The following SNRPF variants were observed in gnomAD, a reference collection of about 807,000 sequenced individuals.
The protein encoded by SNRPF is small nuclear ribonucleoprotein F.
Under a neutral mutation model 13.4 loss-of-function variants are expected in SNRPF, and 1 was observed. The ratio of observed to expected loss-of-function variants is 0.07; its 90% CI spans 0.03 to 0.35. The LOEUF (loss-of-function observed/expected upper bound fraction) is 0.35. SNRPF is among the 10% of genes least tolerant of loss of function. The pLI is 0.99. For missense variants in SNRPF, 53 were observed against 101.0 expected, an observed-to-expected ratio of 0.52 and a Z score of 2.04; for synonymous variants, 27 against 32.1, an observed-to-expected ratio of 0.84 and a Z score of 0.54.
chr12:95,862,752 G>A (rs527267787), intron 2 of SNRPF, among the ~76,000 whole-genome samples: 68 of 151,996 alleles, frequency 4.5e-4, no homozygotes, highest in African/African-American at 1.5e-3. Flanking sequence ...CAGCAGCTAC[G>A]TGGTTTTACA....
chr12:95,865,626 T>C (rs1457702916), intron 3 of SNRPF, among the ~76,000 whole-genome samples: 1 of 152,200 alleles, frequency 6.6e-6, no homozygotes, highest in African/African-American at 2.4e-5. Context: ...TTCTAGCTCT[T>C]AGCTATAATC....
intron 1 of SNRPF, among the ~76,000 whole-genome samples, chr12:95,860,220 ATCTGCCC>A (rs2079488627): frequency 6.6e-6 from 1 of 152,226 alleles, no homozygotes; most frequent in African/African-American, 2.4e-5. Context: ...GTCAAGCGTG[ATCTGCCC>A]TCTGCTTCCT....
At chr12:95,864,091 TCAA>T in intron 2 of SNRPF, among the ~76,000 whole-genome samples, 1 of 152,350 alleles carries the variant, frequency 6.6e-6, no homozygotes, top group Non-Finnish European at 1.5e-5. Flanking sequence ...ACAAACTGTC[TCAA>T]CAACCTCGTA....
At chr12:95,861,515 A>G (rs1421217862) in intron 2 of SNRPF, 1 of 341,028 alleles carries the variant, frequency 2.9e-6, no homozygotes, top group Non-Finnish European at 5.4e-6. Context: ...TAGTAGTTAA[A>G]GTAGGAAGAG....
chr12:95,863,417 C>T lies in SNRPF; in HGVS notation c.130-1907C>T, dbSNP rs140953137. On this transcript the variant is annotated intron_variant, in intron 2 of 3. Transcript: ENST00000266735. Reference sequence around the variant, plus strand: ...CATCTCAATAATAAAAGAATTACCACTTAATATTTGTTTTAGAATTAATAT... The same window carrying T: ...CATCTCAATAATAAAAGAATTACCATTTAATATTTGTTTTAGAATTAATAT... Among the ~76,000 whole-genome samples the T allele has an allele frequency of 2.7e-3, 409 of 152,310 alleles. 1 individual carries two copies. The highest frequency in any genetic ancestry group is 9.1e-3 in the African/African-American group (378 of 41,550).
chr12:95,863,551 T>C (rs1034115982), intron 2 of SNRPF, among the ~76,000 whole-genome samples: 1 of 152,226 alleles, frequency 6.6e-6, no homozygotes, highest in African/African-American at 2.4e-5. Context: ...AGCAAATATT[T>C]ATTGAATTCC....
In SNRPF at chr12:95,861,229, A is replaced by T; in HGVS notation, c.65A>T (p.Lys22Ile). 6.2e-7 allele frequency: 1 copy of T among 1,612,676 alleles called. No individual in the cohort carries two copies. Among genetic ancestry groups the T allele is most frequent in the Non-Finnish European group, 8.5e-7 (1 of 1,179,136 alleles). ...NGLTGKPVMVKLKWGMEYKGY... is the reference protein window; with the variant it reads ...NGLTGKPVMVILKWGMEYKGY... ...CTAACAGGAAAGCCAGTGATGGTGA[A>T]ACTTAAGTGGGGAATGGAGTACAAG... Residue 22 changes from lysine (K) to isoleucine (I), a missense_variant, in exon 2 of 4, where the codon AAA (lysine) becomes ATA (isoleucine). Coordinates refer to ENST00000266735, the MANE Select transcript of SNRPF (RefSeq NM_003095.5).
intron 2 of SNRPF, among the ~76,000 whole-genome samples, chr12:95,864,102 G>A (rs899046166): frequency 2.1e-4 from 32 of 152,208 alleles, no homozygotes; most frequent in Admixed American, 3.9e-4. Context: ...CAACAACCTC[G>A]TATATTTCAG....
intron 2 of SNRPF, chr12:95,861,740 G>A (rs2079497390): frequency 1.9e-5 from 2 of 104,910 alleles, no homozygotes; most frequent in Admixed American, 1.8e-4. Context: ...CTGACTGTAT[G>A]TCTGTCAAAC....
At chr12:95,860,643 G>A (rs906244344) in intron 1 of SNRPF, among the ~76,000 whole-genome samples, 1 of 151,910 alleles carries the variant, frequency 6.6e-6, no homozygotes, top group Non-Finnish European at 1.5e-5. Context: ...CTGCAGCCTC[G>A]AGCTCCTGGG....
rs759586087 is a variant in SNRPF at position 95,859,086 on chromosome 12, AAG to A, written c.3+14_3+15del. 1.6e-5 allele frequency: 26 copies of A among 1,611,980 alleles called. No homozygotes were observed. The highest frequency in any genetic ancestry group is 2.0e-5 in the Non-Finnish European group (24 of 1,178,510). The stretch of plus-strand genomic sequence containing the variant: ...GGCCGTGGTTACGATGGTAAGGAGA[AAG>A]AGAACGGCGGGAGAAGCGGGGAGAA... On this transcript the variant is annotated intron_variant, in intron 1 of 3. Transcript: ENST00000266735.
At chr12:95,865,412 T>G in intron 3 of SNRPF, 24 bp downstream of exon 3, 1 of 1,188,122 alleles carries the variant, frequency 8.4e-7, no homozygotes, top group Non-Finnish European at 1.3e-6. Context: ...GTAGTATATG[T>G]AAGGAGTTAC....
chr12:95,859,452 G>GA, intron 1 of SNRPF, among the ~76,000 whole-genome samples: 1 of 152,306 alleles, frequency 6.6e-6, no homozygotes, highest in East Asian at 1.9e-4. Flanking sequence ...CTTGGGTGGG[G>GA]AAGACAGACA....
rs752721194 is a variant in SNRPF at position 95,859,082 on chromosome 12, G to A, written c.3+6G>A. 3 of 1,612,464 alleles carry A rather than the reference G, an allele frequency of 1.9e-6. No individual in the cohort carries two copies. The African/African-American group carries it at 4.0e-5, about 22-fold the overall frequency. On this transcript the variant is annotated splice_donor_region_variant and intron_variant, in intron 1 of 3. Coordinates refer to ENST00000266735, the MANE Select transcript of SNRPF (RefSeq NM_003095.5). ...ATTCGGCCGTGGTTACGATGGTAAG[G>A]AGAAAGAGAACGGCGGGAGAAGCGG...
chr12:95,862,249 T>C (rs924427374), intron 2 of SNRPF, among the ~76,000 whole-genome samples: 19 of 152,204 alleles, frequency 1.2e-4, no homozygotes, highest in Non-Finnish European at 2.5e-4. Context: ...TATACCACAT[T>C]CTAATCCATT....
At chr12:95,860,184 A>G (rs1180044139) in intron 1 of SNRPF, among the ~76,000 whole-genome samples, 1 of 152,226 alleles carries the variant, frequency 6.6e-6, no homozygotes, top group East Asian at 1.9e-4. Context: ...GATAGGACCT[A>G]GCCCTAGCTT....
At chr12:95,860,427 C>T (rs1196771467) in intron 1 of SNRPF, among the ~76,000 whole-genome samples, 1 of 152,170 alleles carries the variant, frequency 6.6e-6, no homozygotes, top group Non-Finnish European at 1.5e-5. Context: ...GCAACCTTTC[C>T]TTTTTCCCCT....
chr12:95,866,057 GA>G lies in SNRPF; in HGVS notation c.250del (p.Met84Ter). 2 of 1,495,894 alleles carry G rather than the reference GA, an allele frequency of 1.3e-6. No individual in the cohort carries two copies. Among genetic ancestry groups the G allele is most frequent in the Non-Finnish European group, 9.2e-7 (1 of 1,086,924 alleles). 92.7% of individuals were successfully genotyped at this position (1,495,894 alleles called of 1,614,324 possible). ...RGVEEEEEDG[E>X]MRE ...TGTGGAAGAAGAGGAAGAAGATGGG[GA>G]AATGAGAGAATAGCATCTTTTGTGG... On this transcript the variant is annotated frameshift_variant, in exon 4 of 4. Coordinates refer to ENST00000266735, the MANE Select transcript of SNRPF (RefSeq NM_003095.5). LOFTEE classifies it high-confidence loss of function.
intron 2 of SNRPF, among the ~76,000 whole-genome samples, chr12:95,863,039 G>A (rs1330572469): frequency 6.6e-6 from 1 of 151,998 alleles, no homozygotes; most frequent in Admixed American, 6.6e-5. Context: ...TTTCCAGGCA[G>A]GTTTTTAAAG....
Sources: allele counts gnomAD v4.1 joint callset (sites outside exome capture counted in the v4.1 genomes callset), GRCh38; gene constraint gnomAD v4.1.1; transcripts MANE v1.5; gene names NCBI Gene and HGNC (gene_info 2026-07-23, HGNC 2026-07-21).